Variants in STXBP5L observed in about 807,000 individuals in gnomAD.
STXBP5L encodes the protein syntaxin-binding protein 5-like.
STXBP5L carries 65 observed loss-of-function variants against 144.5 expected under a neutral mutation model. The ratio of observed to expected loss-of-function variants is 0.45; its 90% CI spans 0.37 to 0.55. The LOEUF (loss-of-function observed/expected upper bound fraction) is 0.55, where lower values mean the gene tolerates loss of function less well. STXBP5L is among the 20% of genes least tolerant of loss of function. The pLI is 0.00. For synonymous variants in STXBP5L, 505 were observed against 469.6 expected (o/e 1.08, Z -0.97); for missense variants, 1,298 against 1,405.5 (o/e 0.92, Z 1.22).
chr3:121,399,216 A>C (rs2046810224), intron 22 of STXBP5L, among the ~76,000 whole-genome samples: 1 of 152,084 alleles, frequency 6.6e-6, no homozygotes, highest in African/African-American at 2.4e-5. Flanking sequence ...CACTTGTCCC[A>C]TTGTTACCCT....
rs139745265 is a variant in STXBP5L at position 121,068,746 on chromosome 3, G to A, written c.470+23211G>A. ...TGTTTATATTCATATATATTTATCA[G>A]CATATGTATTTATTCTTTCTTTTTA... On this transcript the variant is annotated intron_variant, in intron 5 of 26. Coordinates refer to ENST00000471454, the MANE Select transcript of STXBP5L (RefSeq NM_001308330.2). Among the ~76,000 whole-genome samples the A allele has an allele frequency of 3.4e-4, 52 of 151,972 alleles. No individual in the cohort carries two copies. In the East Asian group the frequency reaches 9.8e-3, roughly 29 times the overall value.
At chr3:121,246,073 G>A (rs1288390857) in intron 14 of STXBP5L, among the ~76,000 whole-genome samples, 2 of 152,154 alleles carry the variant, frequency 1.3e-5, no homozygotes, top group Non-Finnish European at 2.9e-5. Flanking sequence ...ACCAGTACCA[G>A]TCCATGGCCT....
At chr3:121,308,300 G>A (rs905710155) in intron 19 of STXBP5L, among the ~76,000 whole-genome samples, 2 of 152,062 alleles carry the variant, frequency 1.3e-5, no homozygotes, top group Non-Finnish European at 1.5e-5. Context: ...TCCAGCAAAA[G>A]TATTTTTCAA....
At chr3:120,936,553 T>C (rs1463154304) in intron 2 of STXBP5L, among the ~76,000 whole-genome samples, 1 of 152,186 alleles carries the variant, frequency 6.6e-6, no homozygotes, top group Non-Finnish European at 1.5e-5. Flanking sequence ...TCCTTGTTTT[T>C]GTATCTTCAG....
chr3:121,190,787 G>T (rs1305356763), intron 9 of STXBP5L, among the ~76,000 whole-genome samples: 7 of 152,122 alleles, frequency 4.6e-5, no homozygotes, highest in Non-Finnish European at 5.9e-5. Context: ...CCCAGATGGG[G>T]CGGCTGCTGG....
intron 5 of STXBP5L, among the ~76,000 whole-genome samples, chr3:121,083,285 A>G (rs2042336191): frequency 6.6e-6 from 1 of 152,134 alleles, no homozygotes; most frequent in East Asian, 1.9e-4. Context: ...ATTTTACTGA[A>G]TTTATCTGGT....
Position 120,963,869 on chromosome 3 carries a change from C to G in STXBP5L, c.287+8832C>G, listed in dbSNP as rs186426369. Among the ~76,000 whole-genome samples the G allele has an allele frequency of 5.9e-5, 9 of 152,276 alleles. No homozygotes were observed. The East Asian group carries it at 1.7e-3, about 29-fold the overall frequency. ...ATGATACCAGCTCCTCTTAGTACCT[C>G]TGGTAGTATTCTGCTTTGAATCCGT... On this transcript the variant is annotated intron_variant, in intron 3 of 26. Transcript: ENST00000471454.
At chr3:121,185,479 G>A (rs2047338573) in intron 9 of STXBP5L, among the ~76,000 whole-genome samples, 1 of 152,170 alleles carries the variant, frequency 6.6e-6, no homozygotes, top group Non-Finnish European at 1.5e-5. Flanking sequence ...TTTGTATAAG[G>A]TGTAAGTAAG....
At chr3:121,298,053 A>G (rs35789935) in intron 19 of STXBP5L, among the ~76,000 whole-genome samples, 2,978 of 152,238 alleles carry the variant, frequency 0.02, 47 homozygotes, top group Non-Finnish European at 0.029. Context: ...GATGAACCTC[A>G]TTGCTGTTTT....
At chr3:121,341,625 C>G (rs1421688134) in intron 20 of STXBP5L, among the ~76,000 whole-genome samples, 1 of 152,078 alleles carries the variant, frequency 6.6e-6, no homozygotes, top group Non-Finnish European at 1.5e-5. Context: ...AAGTGTCTAT[C>G]AGTGGATGAA....
chr3:121,317,457 AT>A (rs925777142), intron 19 of STXBP5L, among the ~76,000 whole-genome samples: 27 of 152,068 alleles, frequency 1.8e-4, no homozygotes, highest in African/African-American at 3.9e-4. Flanking sequence ...AAATTCTGTG[AT>A]TTTTTTTGGA....
chr3:121,129,264 A>C (rs914435998), intron 7 of STXBP5L, among the ~76,000 whole-genome samples: 2 of 152,048 alleles, frequency 1.3e-5, no homozygotes, highest in African/African-American at 4.8e-5. Context: ...GTGGGAAAGG[A>C]AAATGGAATC....
intron 20 of STXBP5L, among the ~76,000 whole-genome samples, chr3:121,326,651 A>G (rs1238890286): frequency 6.6e-6 from 1 of 152,088 alleles, no homozygotes; most frequent in Non-Finnish European, 1.5e-5. Flanking sequence ...CTTTGGAGTC[A>G]ATTTTAGAGA....
At chr3:121,372,515 G>A (rs991933036) in intron 20 of STXBP5L, among the ~76,000 whole-genome samples, 1 of 152,136 alleles carries the variant, frequency 6.6e-6, no homozygotes, top group African/African-American at 2.4e-5. Context: ...CTCCTGCTGG[G>A]ATTCCAGAGG....
At chr3:121,124,050 C>T (rs886382395) in intron 7 of STXBP5L, among the ~76,000 whole-genome samples, 1 of 150,620 alleles carries the variant, frequency 6.6e-6, no homozygotes, top group South Asian at 2.1e-4. Context: ...ATATAGTAGA[C>T]TTTTATTTGC....
intron 6 of STXBP5L, 47 bp downstream of exon 6, chr3:121,115,106 C>T (rs1460631535): frequency 6.4e-7 from 1 of 1,555,118 alleles, no homozygotes; most frequent in African/African-American, 1.4e-5. Flanking sequence ...ATACTTCATA[C>T]AGTTATGTAA....
intron 2 of STXBP5L, among the ~76,000 whole-genome samples, chr3:120,913,671 A>G (rs1335236329): frequency 2.6e-5 from 4 of 152,132 alleles, no homozygotes; most frequent in African/African-American, 9.6e-5. Flanking sequence ...TTCCAAATTC[A>G]TATCTACAAC....
rs2050305346 is a variant in STXBP5L at position 121,259,174 on chromosome 3, T to C, written c.1958+6T>C. 1 of 1,529,472 alleles carries C rather than the reference T, an allele frequency of 6.5e-7. No individual in the cohort carries two copies. Among genetic ancestry groups the C allele is most frequent in the Non-Finnish European group, 8.8e-7 (1 of 1,136,376 alleles). The allele number at this position is 1,529,472 out of a possible 1,614,324, so 94.7% of individuals were successfully genotyped here. ...GTAAGCTCAGCATATGGAATGTAAG[T>C]AATTAAACTTTTTTATGATATGTAT... On this transcript the variant is annotated splice_donor_region_variant and intron_variant, in intron 18 of 26. Coordinates refer to ENST00000471454, the MANE Select transcript of STXBP5L (RefSeq NM_001308330.2).
At chr3:121,365,674 A>C (rs569515227) in intron 20 of STXBP5L, among the ~76,000 whole-genome samples, 2 of 151,496 alleles carry the variant, frequency 1.3e-5, no homozygotes, top group Non-Finnish European at 3.0e-5. Context: ...GTTTCTTCTT[A>C]CATGTAACTA....
Sources: gnomAD v4.1 joint callset for allele counts (sites outside exome capture counted in the v4.1 genomes callset) on GRCh38, gnomAD v4.1.1 for gene constraint, MANE v1.5 for transcripts, NCBI Gene and HGNC (gene_info 2026-07-23, HGNC 2026-07-21) for gene names.